The following IGSF21 variants were observed in gnomAD, a reference collection of about 807,000 sequenced individuals.
IGSF21 encodes immunoglobulin superfamily member 21.
In IGSF21, 28 loss-of-function variants were observed where a neutral mutation model predicts 46.8. That is an observed-to-expected ratio of 0.60 (90% CI 0.44 to 0.82). The LOEUF (loss-of-function observed/expected upper bound fraction) is 0.82, where lower values mean the gene tolerates loss of function less well. IGSF21 is among the 40% of genes least tolerant of loss of function. The probability of loss-of-function intolerance (pLI) is 0.00; values close to 1 mark genes in which losing one functional copy is unlikely to be tolerated. For missense variants in IGSF21, 624 were observed against 665.5 expected, an observed-to-expected ratio of 0.94 and a Z score of 0.69; for synonymous variants, 284 against 273.6, an observed-to-expected ratio of 1.04 and a Z score of -0.38.
intron 1 of IGSF21, among the ~76,000 whole-genome samples, chr1:18,199,422 T>C (rs1203903817): frequency 1.3e-5 from 2 of 152,172 alleles, no homozygotes; most frequent in Non-Finnish European, 1.5e-5. Context: ...CAACAACGGC[T>C]ACTGTGATTT....
At chr1:18,279,771 T>A (rs1307747432) in intron 2 of IGSF21, among the ~76,000 whole-genome samples, 3 of 152,228 alleles carry the variant, frequency 2.0e-5, no homozygotes, top group Non-Finnish European at 2.9e-5. Context: ...TGCCATGTGT[T>A]AATTACAGCA....
chr1:18,192,861 A>G (rs1000099986), intron 1 of IGSF21, among the ~76,000 whole-genome samples: 4 of 152,126 alleles, frequency 2.6e-5, no homozygotes, highest in African/African-American at 9.7e-5. Context: ...TGAAAGACAT[A>G]AAATGCAGTG....
rs1231824840 is a variant in IGSF21, at chr1:18,359,367, AAAGAAAGAAAGAAAGAAAGG to A, written c.425-2744_425-2725del. 3.3e-3 allele frequency among the ~76,000 whole-genome samples: 319 copies of A among 97,380 alleles called. 7 individuals are homozygous for A. Among genetic ancestry groups the A allele is most frequent in the African/African-American group, 0.01 (290 of 27,852 alleles). The allele number at this position is 97,380 out of a possible 152,430, so 63.9% of individuals were successfully genotyped here. ...GAAAGAAAGAAAGAAAGAAAGAAAGAAAGAAAGAAAGAAAGAAAGGAAGGAAGGAAGGAAGGAAGGAAGGA... is the reference window on the plus strand; with the variant it reads ...GAAAGAAAGAAAGAAAGAAAGAAAGAAAGGAAGGAAGGAAGGAAGGAAGGA... On this transcript the variant is annotated intron_variant, in intron 4 of 9. Coordinates refer to ENST00000251296, the MANE Select transcript of IGSF21 (RefSeq NM_032880.5).
intron 2 of IGSF21, among the ~76,000 whole-genome samples, chr1:18,232,789 A>G (rs555228705): frequency 2.1e-4 from 32 of 152,374 alleles, no homozygotes; most frequent in South Asian, 6.2e-4. Flanking sequence ...TTAACAAATC[A>G]TGGAGCTATA....
At chr1:18,201,274 G>A (rs1308806371) in intron 1 of IGSF21, among the ~76,000 whole-genome samples, 1 of 152,138 alleles carries the variant, frequency 6.6e-6, no homozygotes, top group Admixed American at 6.5e-5. Flanking sequence ...AAGGGCAGCC[G>A]GGCTGACACT....
chr1:18,205,350 T>C (rs2084307979), intron 1 of IGSF21, among the ~76,000 whole-genome samples: 1 of 152,184 alleles, frequency 6.6e-6, no homozygotes, highest in Admixed American at 6.5e-5. Context: ...GATTAAAATA[T>C]TGATAAGAGT....
intron 1 of IGSF21, among the ~76,000 whole-genome samples, chr1:18,214,736 T>C (rs1422314461): frequency 6.6e-6 from 1 of 152,080 alleles, no homozygotes; most frequent in African/African-American, 2.4e-5. Context: ...TTTGTTTTTG[T>C]TTTGGTTTCT....
In IGSF21 at chr1:18,205,140, GGAGAGAGA is replaced by G. The variant is rs140828822; in HGVS notation, c.71-22745_71-22738del. Among the ~76,000 whole-genome samples the G allele has an allele frequency of 5.3e-5, 8 of 149,626 alleles. No homozygotes were observed. The South Asian group carries it at 1.1e-3, about 20-fold the overall frequency. ...GGGGGAGAGAAGAAAGATAAGAAGGGGAGAGAGAGAGAGAGAGAGAAAGAGAGAGGGAG... is the reference window on the plus strand; with the variant it reads ...GGGGGAGAGAAGAAAGATAAGAAGGGGAGAGAGAGAGAAAGAGAGAGGGAG... On this transcript the variant is annotated intron_variant, in intron 1 of 9. Coordinates refer to ENST00000251296, the MANE Select transcript of IGSF21 (RefSeq NM_032880.5).
chr1:18,151,013 A>G (rs1331883127), intron 1 of IGSF21, among the ~76,000 whole-genome samples: 5 of 152,220 alleles, frequency 3.3e-5, no homozygotes, highest in Non-Finnish European at 7.3e-5. Context: ...ACAAAGGCTC[A>G]GGCAGGGTAT....
intron 2 of IGSF21, among the ~76,000 whole-genome samples, chr1:18,231,922 C>CGTGTGTGTGTGTGTGTGTGT (rs150869622): frequency 0.02 from 2,714 of 136,402 alleles, 46 homozygotes; most frequent in Non-Finnish European, 0.03. Context: ...ATCATTAGAT[C>CGTGTGTGTGTGTGTGTGTGT]GTGTGTGTGT....
At position 18,275,934 on chromosome 1, in the gene IGSF21, C is replaced by T. The variant is rs567992258; in HGVS notation, c.184-15932C>T. ...CTCCTAAGAGGACTACAGTCCCCAC[C>T]GGTCTCTGCCCCAGTGTTGCCTCAT... On this transcript the variant is annotated intron_variant, in intron 2 of 9. Transcript: ENST00000251296. 6.0e-4 allele frequency among the ~76,000 whole-genome samples: 91 copies of T among 152,298 alleles called. 1 individual carries two copies. The highest frequency in any genetic ancestry group is 3.3e-4 in the Admixed American group (5 of 15,294).
intron 2 of IGSF21, among the ~76,000 whole-genome samples, chr1:18,232,209 C>CTTTTTTTTCT (rs55775011): frequency 9.5e-6 from 1 of 105,010 alleles, no homozygotes; most frequent in Non-Finnish European, 1.9e-5. Flanking sequence ...CTCCAGACAG[C>CTTTTTTTTCT]TTTTTTTTGG....
At chr1:18,326,390 C>A (rs940586564) in intron 3 of IGSF21, among the ~76,000 whole-genome samples, 1 of 152,208 alleles carries the variant, frequency 6.6e-6, no homozygotes, top group African/African-American at 2.4e-5. Flanking sequence ...CCCAGGCAGG[C>A]ACTTGGCTCA....
At chr1:18,150,970 G>C (rs1409537480) in intron 1 of IGSF21, among the ~76,000 whole-genome samples, 1 of 152,202 alleles carries the variant, frequency 6.6e-6, no homozygotes, top group Non-Finnish European at 1.5e-5. Context: ...AAAAAAGCAG[G>C]GGTGGTGCCT....
At chr1:18,246,467 G>A (rs1208120650) in intron 2 of IGSF21, among the ~76,000 whole-genome samples, 1 of 151,998 alleles carries the variant, frequency 6.6e-6, no homozygotes, top group Non-Finnish European at 1.5e-5. Flanking sequence ...TATGCATGTG[G>A]AGCTTAGGAC....
intron 3 of IGSF21, among the ~76,000 whole-genome samples, chr1:18,329,750 G>A (rs1413005148): frequency 2.6e-5 from 4 of 152,258 alleles, no homozygotes; most frequent in South Asian, 2.1e-4. Context: ...TCTAGCATCC[G>A]TGTACCCACT....
chr1:18,358,241 G>T lies in IGSF21; in HGVS notation c.425-3874G>T, dbSNP rs1159093046. Among the ~76,000 whole-genome samples the T allele has an allele frequency of 3.3e-5, 5 of 152,132 alleles. No homozygotes were observed. The East Asian group carries it at 9.6e-4, about 29-fold the overall frequency. On this transcript the variant is annotated intron_variant, in intron 4 of 9. Transcript: ENST00000251296. ...CTTATAAAATGGAAAGTCTAGACCA[G>T]AGTTGTCCAAGAGAAATATAATGTA...
rs759862890 is a variant in IGSF21 at position 18,378,323 on chromosome 1, G to A, written c.1401G>A (p.Thr467=). 46 of 1,612,348 alleles carry A rather than the reference G, an allele frequency of 2.9e-5. No homozygotes were observed. The highest frequency in any genetic ancestry group is 2.7e-4 in the South Asian group (25 of 90,952). The change falls in exon 10 of 10, where the codon ACG becomes ACA. Residue 467 remains threonine (T), a synonymous_variant. Transcript: ENST00000251296. ...VLALTVILEL[T] ...CCCTGACAGTGATTCTGGAGCTGAC[G>A]TGAAGGCACCCGCCCCGGCCACTCC...
intron 1 of IGSF21, among the ~76,000 whole-genome samples, chr1:18,215,975 A>C (rs1315393177): frequency 6.6e-6 from 1 of 152,196 alleles, no homozygotes; most frequent in East Asian, 1.9e-4. Flanking sequence ...AGCATTATGC[A>C]GAGGTGCATA....
Sources: gnomAD v4.1 joint callset for allele counts (sites outside exome capture counted in the v4.1 genomes callset) on GRCh38, gnomAD v4.1.1 for gene constraint, MANE v1.5 for transcripts, NCBI Gene and HGNC (gene_info 2026-07-23, HGNC 2026-07-21) for gene names.